ARHGEF28: variants seen among roughly 807,000 people sequenced by gnomAD.
ARHGEF28 encodes 190 kDa guanine nucleotide exchange factor.
In ARHGEF28, 152 loss-of-function variants were observed where a neutral mutation model predicts 206.6. That is an observed-to-expected ratio of 0.74 (90% CI 0.64 to 0.84). The LOEUF (loss-of-function observed/expected upper bound fraction) is 0.84, where lower values mean the gene tolerates loss of function less well. Among genes scored for constraint, ARHGEF28 ranks in the 40% least tolerant of loss-of-function variants. The probability of loss-of-function intolerance (pLI) is 0.00; values close to 1 mark genes in which losing one functional copy is unlikely to be tolerated. For synonymous variants in ARHGEF28, 763 were observed against 776.4 expected (o/e 0.98, Z 0.29); for missense variants, 2,028 against 2,073.2 (o/e 0.98, Z 0.42).
chr5:73,690,017 T>A (rs1747714351), intron 2 of ARHGEF28, among the ~76,000 whole-genome samples: 1 of 152,102 alleles, frequency 6.6e-6, no homozygotes, highest in African/African-American at 2.4e-5. Context: ...AAAAGTTCTG[T>A]ACTGGAAATT....
intron 35 of ARHGEF28, among the ~76,000 whole-genome samples, chr5:73,936,889 A>G (rs912807051): frequency 6.6e-6 from 1 of 152,130 alleles, no homozygotes; most frequent in Non-Finnish European, 1.5e-5. Context: ...TTTAAATATG[A>G]CACATAGTTG....
intron 9 of ARHGEF28, among the ~76,000 whole-genome samples, chr5:73,804,732 T>A (rs1755340908): frequency 6.6e-6 from 1 of 152,142 alleles, no homozygotes; most frequent in South Asian, 2.1e-4. Flanking sequence ...CTGAGAATTA[T>A]GGGTTTTGGG....
intron 24 of ARHGEF28, among the ~76,000 whole-genome samples, chr5:73,884,763 T>A (rs1008691972): frequency 3.3e-5 from 5 of 152,116 alleles, no homozygotes; most frequent in African/African-American, 7.2e-5. Flanking sequence ...AACTAGGTGG[T>A]CTTTATCACC....
chr5:73,889,330 A>G (rs747563838), intron 26 of ARHGEF28, among the ~76,000 whole-genome samples: 29 of 152,242 alleles, frequency 1.9e-4, no homozygotes, highest in African/African-American at 7.0e-4. Context: ...TAAAGTAGCA[A>G]GAGGATGGAG....
chr5:73,848,935 C>T, intron 12 of ARHGEF28, 41 bp from the exon 13 acceptor site: 1 of 1,357,706 alleles, frequency 7.4e-7, no homozygotes, highest in Non-Finnish European at 1.0e-6. Flanking sequence ...ATTTTCAGAC[C>T]ATGTATAAAT....
rs773330283 is a variant in ARHGEF28 at position 73,752,970 on chromosome 5, G to A, written c.243G>A (p.Pro81=). ...GCCTCTGCTCGGAAGGTTACTCTCC[G>A]GTGACCATGGGCTCTGGCTCAGTGA... The part of the protein sequence containing the change: ...SVCLCSEGYS[P]VTMGSGSVTY... The change falls in exon 4 of 36, where the codon CCG becomes CCA. Residue 81 remains proline, a synonymous_variant. Transcript: ENST00000513042. The A allele has an allele frequency of 1.8e-5, 29 of 1,613,680 alleles. No individual in the cohort carries two copies. The highest frequency in any genetic ancestry group is 1.8e-4 in the East Asian group (8 of 44,892).
intron 35 of ARHGEF28, among the ~76,000 whole-genome samples, chr5:73,915,987 CTACATATTAGAATTTGG>C (rs1360208338): frequency 6.6e-6 from 1 of 152,164 alleles, no homozygotes; most frequent in Admixed American, 6.5e-5. Context: ...TTTCCTTTTA[CTACATATTAGAATTTGG>C]TGCCAAGGAA....
At chr5:73,728,690 T>C (rs984048920) in intron 2 of ARHGEF28, among the ~76,000 whole-genome samples, 4 of 152,192 alleles carry the variant, frequency 2.6e-5, no homozygotes, top group African/African-American at 7.2e-5. Context: ...ACGTTTCTCA[T>C]TGGAGAACCC....
At chr5:73,639,456 G>T (rs555107831) in intron 1 of ARHGEF28, among the ~76,000 whole-genome samples, 15 of 151,844 alleles carry the variant, frequency 9.9e-5, no homozygotes, top group Middle Eastern at 3.4e-3. Context: ...AAAAATGTGT[G>T]TATGTATACA....
At chr5:73,660,614 A>G (rs912483389) in intron 1 of ARHGEF28, among the ~76,000 whole-genome samples, 1 of 152,240 alleles carries the variant, frequency 6.6e-6, no homozygotes, top group Non-Finnish European at 1.5e-5. Context: ...TTCTTAAATA[A>G]TAAGACTTGA....
In ARHGEF28 at chr5:73,791,406, T is replaced by C. The variant is rs146677906; in HGVS notation, c.911-2996T>C. Among the ~76,000 whole-genome samples, 320 of 152,340 alleles carry C rather than the reference T, an allele frequency of 2.1e-3. 1 individual carries two copies. The highest frequency in any genetic ancestry group is 7.4e-3 in the African/African-American group (306 of 41,582). On this transcript the variant is annotated intron_variant, in intron 7 of 35. Coordinates refer to ENST00000513042, the MANE Select transcript of ARHGEF28 (RefSeq NM_001177693.2). Reference sequence around the variant, plus strand: ...GAGCAAACTGAGAGCATGATCCTGGTTTTCCACCTGTGCTTTTGACACTAC... The same window carrying C: ...GAGCAAACTGAGAGCATGATCCTGGCTTTCCACCTGTGCTTTTGACACTAC...
chr5:73,911,955 G>GATAC (rs1322346947), intron 35 of ARHGEF28, among the ~76,000 whole-genome samples: 1 of 152,016 alleles, frequency 6.6e-6, no homozygotes, highest in East Asian at 1.9e-4. Flanking sequence ...AATAATAACA[G>GATAC]ATACCAACAG....
intron 34 of ARHGEF28, among the ~76,000 whole-genome samples, chr5:73,910,465 C>T (rs564367007): frequency 6.7e-6 from 1 of 150,302 alleles, no homozygotes; most frequent in East Asian, 2.0e-4. Context: ...GATGCCCTTA[C>T]CCTAAGGAAC....
At chr5:73,831,227 G>A (rs1361381784) in intron 9 of ARHGEF28, among the ~76,000 whole-genome samples, 4 of 152,184 alleles carry the variant, frequency 2.6e-5, no homozygotes, top group African/African-American at 9.7e-5. Context: ...ACCACACTAT[G>A]AGGAAAGCAT....
intron 4 of ARHGEF28, among the ~76,000 whole-genome samples, chr5:73,761,407 G>A (rs1208635180): frequency 2.0e-5 from 3 of 152,138 alleles, no homozygotes; most frequent in African/African-American, 7.2e-5. Flanking sequence ...ATGTTTGGAG[G>A]TTAAAATCCC....
At chr5:73,903,703 A>T (rs558273972) in intron 31 of ARHGEF28, 5 of 157,288 alleles carry the variant, frequency 3.2e-5, no homozygotes. Flanking sequence ...TACGCGCGCC[A>T]CTATGGCCAC....
chr5:73,932,103 A>T (rs1228000257), intron 35 of ARHGEF28, among the ~76,000 whole-genome samples: 1 of 152,214 alleles, frequency 6.6e-6, no homozygotes, highest in Non-Finnish European at 1.5e-5. Context: ...GTGTACCTTC[A>T]TCTATTTTTA....
intron 1 of ARHGEF28, among the ~76,000 whole-genome samples, chr5:73,665,635 G>A (rs1745903024): frequency 6.6e-6 from 1 of 152,098 alleles, no homozygotes; most frequent in South Asian, 2.1e-4. Context: ...TGGCAGAAGG[G>A]CAAGAGAGCA....
At chr5:73,728,792 CA>C (rs1432014359) in intron 2 of ARHGEF28, among the ~76,000 whole-genome samples, 3 of 152,184 alleles carry the variant, frequency 2.0e-5, no homozygotes, top group Non-Finnish European at 2.9e-5. Context: ...CTCTTTCCAA[CA>C]TATATCTTGT....
Sources: allele counts gnomAD v4.1 joint callset (sites outside exome capture counted in the v4.1 genomes callset), GRCh38; gene constraint gnomAD v4.1.1; transcripts MANE v1.5; gene names NCBI Gene and HGNC (gene_info 2026-07-23, HGNC 2026-07-21).